Variants in EIF4A2 observed in about 807,000 individuals in gnomAD.
EIF4A2 encodes the protein eukaryotic initiation factor 4A-II.
EIF4A2 carries 9 observed loss-of-function variants against 50.6 expected under a neutral mutation model. The ratio of observed to expected loss-of-function variants is 0.18; its 90% CI spans 0.11 to 0.31. EIF4A2 has a LOEUF of 0.31. EIF4A2 is among the 10% of genes least tolerant of loss of function. EIF4A2 has a pLI of 1.00. For synonymous variants in EIF4A2, 215 were observed against 164.4 expected (o/e 1.31, Z -2.35); for missense variants, 182 against 501.8 (o/e 0.36, Z 6.09).
chr3:186,787,298 T>TA (rs1326978049), intron 8 of EIF4A2, 34 bp downstream of exon 8: 2 of 1,614,100 alleles, frequency 1.2e-6, no homozygotes. Context: ...GGATTTCCAC[T>TA]AAAGCAGGAT....
rs768824816 is a variant in EIF4A2, at chr3:186,789,117, T to C, written c.1080-8T>C. 119 of 1,611,722 alleles carry C rather than the reference T, an allele frequency of 7.4e-5. No individual in the cohort carries two copies. The highest frequency in any genetic ancestry group is 9.2e-5 in the Non-Finnish European group (109 of 1,179,012). The stretch of plus-strand genomic sequence containing the variant: ...AGAAGTAACGTTCTGATTCTTTTTC[T>C]TACACAGAATTGGCAGAGGGGGTCG... On this transcript the variant is annotated splice_region_variant and splice_polypyrimidine_tract_variant and intron_variant, in intron 10 of 10. Coordinates refer to ENST00000323963, the MANE Select transcript of EIF4A2 (RefSeq NM_001967.4).
intron 7 of EIF4A2, 63 bp from the exon 8 acceptor site, chr3:186,787,064 A>C (rs2108459553): frequency 6.2e-7 from 1 of 1,604,362 alleles, no homozygotes; most frequent in Non-Finnish European, 8.5e-7. Context: ...GCCCAGAATG[A>C]ATTTTTAACT....
Position 186,787,566 on chromosome 3 carries a change from G to C in EIF4A2, c.981G>C (p.Leu327=), listed in dbSNP as rs773915831. The C allele has an allele frequency of 1.9e-6, 3 of 1,613,856 alleles. No homozygotes were observed. Among genetic ancestry groups the C allele is most frequent in the African/African-American group, 2.7e-5 (2 of 74,916 alleles). ...REFRSGSSRV[L]ITTDLLARGI... is the part of the protein sequence containing the mutation. ...TCCGGTCAGGGTCAAGTCGTGTTCT[G>C]ATCACTACTGACTTGTTGGTAAGTC... Residue 327 remains leucine, a synonymous_variant, in exon 9 of 11, where the codon CTG becomes CTC. Coordinates refer to ENST00000323963, the MANE Select transcript of EIF4A2 (RefSeq NM_001967.4).
At chr3:186,784,146 G>C (rs1721546073) in intron 1 of EIF4A2, 1 of 532,654 alleles carries the variant, frequency 1.9e-6, no homozygotes, top group African/African-American at 1.9e-5. Flanking sequence ...CAATCACCCG[G>C]CTTGCGCATT....
At chr3:186,786,371 C>G (rs1721709208) in intron 6 of EIF4A2, 98 bp downstream of exon 6, 3 of 1,515,234 alleles carry the variant, frequency 2.0e-6, no homozygotes, top group Non-Finnish European at 2.7e-6. Context: ...GTCGTTCCCC[C>G]TGCTTAAAGC....
In EIF4A2 at chr3:186,789,131, CAG is replaced by C; in HGVS notation, c.1089_1090del (p.Gly365SerfsTer14). 1 of 1,613,004 alleles carries C rather than the reference CAG, an allele frequency of 6.2e-7. No homozygotes were observed. The highest frequency in any genetic ancestry group is 1.3e-5 in the African/African-American group (1 of 74,974). ...NRENYIHRIG[R>X]GGRFGRKGVA... ...GATTCTTTTTCTTACACAGAATTGGCAGAGGGGGTCGATTTGGGAGGAAAGGT... is the reference window on the plus strand; with the variant it reads ...GATTCTTTTTCTTACACAGAATTGGCAGGGGGTCGATTTGGGAGGAAAGGT... On this transcript the variant is annotated frameshift_variant, in exon 11 of 11. Coordinates refer to ENST00000323963, the MANE Select transcript of EIF4A2 (RefSeq NM_001967.4). LOFTEE classifies it high-confidence loss of function.
chr3:186,786,375 T>C lies in EIF4A2; in HGVS notation c.627+102T>C, dbSNP rs533856697. Reference sequence around the variant, plus strand: ...TGTGTTTTGTTGTCGTTCCCCCTGCTTAAAGCACTTGATGCATAACTCTGT... The same window carrying C: ...TGTGTTTTGTTGTCGTTCCCCCTGCCTAAAGCACTTGATGCATAACTCTGT... On this transcript the variant is annotated intron_variant, in intron 6 of 10. Coordinates refer to ENST00000323963, the MANE Select transcript of EIF4A2 (RefSeq NM_001967.4). 14 of 1,521,162 alleles carry C rather than the reference T, an allele frequency of 9.2e-6. No individual in the cohort carries two copies. The East Asian group carries it at 3.0e-4, about 33-fold the overall frequency. The allele number at this position is 1,521,162 out of a possible 1,614,324, so 94.2% of individuals were successfully genotyped here. A position where few individuals can be genotyped will look rare whatever the true frequency, so the allele number is the denominator to read the frequency against.
In EIF4A2 at chr3:186,784,904, T is replaced by C. The variant is rs192246586; in HGVS notation, c.209-58T>C. The C allele has an allele frequency of 6.8e-3, 11,013 of 1,613,534 alleles. 54 individuals are homozygous for C. The highest frequency in any genetic ancestry group is 8.6e-3 in the Non-Finnish European group (10,136 of 1,179,680). On this transcript the variant is annotated intron_variant, in intron 3 of 10. Transcript: ENST00000323963. ...AATGTTCCAAATGGAATACATGGTGTGAAGTAGAAGTGACAATTTGATGTG... is the reference window on the plus strand; with the variant it reads ...AATGTTCCAAATGGAATACATGGTGCGAAGTAGAAGTGACAATTTGATGTG...
chr3:186,783,967 C>G (rs961417391), intron 1 of EIF4A2: 1 of 441,308 alleles, frequency 2.3e-6, no homozygotes. Context: ...TAACCAGGAC[C>G]CGAAGCTTTA....
intron 4 of EIF4A2, 119 bp downstream of exon 4, chr3:186,785,220 T>G: frequency 7.0e-7 from 1 of 1,438,076 alleles, no homozygotes; most frequent in Non-Finnish European, 9.4e-7. Flanking sequence ...CTTTTAATTG[T>G]CCATGCATGC....
rs1722005855 is a variant in EIF4A2 at position 186,789,761 on chromosome 3, GTGCTAAGTGTGAAC to G, written c.*495_*508del. The G allele has an allele frequency of 5.7e-6, 3 of 530,312 alleles. No individual in the cohort carries two copies. The highest frequency in any genetic ancestry group is 1.0e-5 in the Non-Finnish European group (3 of 300,022). 32.9% of individuals were successfully genotyped at this position (530,312 alleles called of 1,614,324 possible). On this transcript the variant is annotated 3_prime_UTR_variant, in exon 11 of 11. Transcript: ENST00000323963. ...ATTTATTCAATAAAGTATTTAATTA[GTGCTAAGTGTGAAC>G]TGGACCCTGTTGCTAAGCCCCAGCA...
At chr3:186,783,683 G>T (rs190572503) in intron 1 of EIF4A2, 44 bp downstream of exon 1, 2 of 1,613,986 alleles carry the variant, frequency 1.2e-6, no homozygotes, top group Non-Finnish European at 1.7e-6. Context: ...GAAGGTCATA[G>T]GGCGCCAGGG....
rs529026789 is a variant in EIF4A2 at position 186,786,310 on chromosome 3, T to C, written c.627+37T>C. Reference sequence around the variant, plus strand: ...TTCACCCCCCTCTTAAAGGTAGAGATGGGGTTTATTTAATGCAGGTACTGT... The same window carrying C: ...TTCACCCCCCTCTTAAAGGTAGAGACGGGGTTTATTTAATGCAGGTACTGT... On this transcript the variant is annotated intron_variant, in intron 6 of 10. Coordinates refer to ENST00000323963, the MANE Select transcript of EIF4A2 (RefSeq NM_001967.4). The C allele has an allele frequency of 1.1e-5, 17 of 1,584,942 alleles. No individual in the cohort carries two copies. The South Asian group carries it at 1.9e-4, about 18-fold the overall frequency.
At chr3:186,784,249 C>T (rs1025472392) in intron 1 of EIF4A2, 183 bp from the exon 2 acceptor site, 4 of 837,592 alleles carry the variant, frequency 4.8e-6, no homozygotes, top group Non-Finnish European at 7.3e-6. Context: ...GGCTGCCTTT[C>T]CGGGCATCCG....
intron 6 of EIF4A2, 94 bp downstream of exon 6, chr3:186,786,367 C>T: frequency 1.3e-6 from 2 of 1,511,198 alleles, no homozygotes; most frequent in Non-Finnish European, 1.8e-6. Flanking sequence ...TGTTGTCGTT[C>T]CCCCTGCTTA....
At chr3:186,785,822 T>C in intron 4 of EIF4A2, 61 bp from the exon 5 acceptor site, 4 of 1,550,018 alleles carry the variant, frequency 2.6e-6, no homozygotes. Context: ...GCCTTTATGC[T>C]TTAAAAATTA....
intron 10 of EIF4A2, 152 bp from the exon 11 acceptor site, chr3:186,788,973 C>T (rs1327721948): frequency 5.4e-6 from 6 of 1,107,648 alleles, no homozygotes; most frequent in Admixed American, 3.4e-5. Context: ...ATTTTTTTCT[C>T]TAGATATGCA....
chr3:186,786,324 T>G, intron 6 of EIF4A2, 51 bp downstream of exon 6: 1 of 1,562,944 alleles, frequency 6.4e-7, no homozygotes, highest in Non-Finnish European at 8.7e-7. Context: ...GTTTATTTAA[T>G]GCAGGTACTG....
At position 186,789,876 on chromosome 3, in the gene EIF4A2, T is replaced by TA. The variant is rs1351053588; in HGVS notation, c.*610dup. On this transcript the variant is annotated 3_prime_UTR_variant, in exon 11 of 11. Coordinates refer to ENST00000323963, the MANE Select transcript of EIF4A2 (RefSeq NM_001967.4). ...GTCTTAATGAAGTTTGAATGTTAAA[T>TA]AAATTGTATATTCACTTTAAAGGTG... 2 of 806,902 alleles carry TA rather than the reference T, an allele frequency of 2.5e-6. No homozygotes were observed. The highest frequency in any genetic ancestry group is 2.3e-4 in the Middle Eastern group (1 of 4,362). The allele number at this position is 806,902 out of a possible 1,614,324, so 50.0% of individuals were successfully genotyped here. A position where few individuals can be genotyped will look rare whatever the true frequency, so the allele number is the denominator to read the frequency against.
Sources: allele counts gnomAD v4.1 joint callset, GRCh38; gene constraint gnomAD v4.1.1; transcripts MANE v1.5; gene names NCBI Gene and HGNC (gene_info 2026-07-23, HGNC 2026-07-21).